DNAI3: variants seen among roughly 807,000 people sequenced by gnomAD.
DNAI3 encodes WD repeat domain 63.
DNAI3 carries 83 observed loss-of-function variants against 115.5 expected under a neutral mutation model. The observed-to-expected ratio is 0.72, with a 90% CI of 0.60 to 0.86. DNAI3 has a LOEUF of 0.86. DNAI3 is among the 40% of genes least tolerant of loss of function. The probability of loss-of-function intolerance (pLI) is 0.00; values close to 1 mark genes in which losing one functional copy is unlikely to be tolerated. For missense variants in DNAI3, 1,004 were observed against 1,075.8 expected, an observed-to-expected ratio of 0.93 and a Z score of 0.93; for synonymous variants, 320 against 347.0, an observed-to-expected ratio of 0.92 and a Z score of 0.86.
intron 7 of DNAI3, among the ~76,000 whole-genome samples, chr1:85,087,434 C>CAAAAAAAAAAAAAA (rs1162431713): frequency 2.1e-5 from 1 of 46,648 alleles, no homozygotes; most frequent in Admixed American, 3.3e-4. Flanking sequence ...GACTCCATCT[C>CAAAAAAAAAAAAAA]AAAAAAAAAA....
At chr1:85,062,916 AT>A (rs1204222923) in intron 1 of DNAI3, among the ~76,000 whole-genome samples, 5 of 152,198 alleles carry the variant, frequency 3.3e-5, no homozygotes, top group African/African-American at 9.6e-5. Context: ...GCTGAAATAG[AT>A]TACTTCAGGA....
intron 9 of DNAI3, 86 bp downstream of exon 9, chr1:85,093,734 A>G: frequency 1.3e-6 from 2 of 1,509,112 alleles, no homozygotes; most frequent in Non-Finnish European, 1.8e-6. Flanking sequence ...AACTAGTTCA[A>G]TGTCAATAAG....
chr1:85,067,201 TGAA>T (rs1021088873), intron 1 of DNAI3, among the ~76,000 whole-genome samples: 41 of 152,334 alleles, frequency 2.7e-4, no homozygotes, highest in African/African-American at 9.4e-4. Flanking sequence ...TGCTTTTTAG[TGAA>T]GAAGAATTAA....
rs907220592 is a variant in DNAI3 at position 85,127,753 on chromosome 1, C to A, written c.2318-955C>A. Among the ~76,000 whole-genome samples, 7 of 152,138 alleles carry A rather than the reference C, an allele frequency of 4.6e-5. No individual in the cohort carries two copies. In the East Asian group the frequency reaches 1.4e-3, roughly 29 times the overall value. ...TTGTACGCCTACAGGGATTATGAAT[C>A]CAGGATTTTGCAATTTGAAGCAGAC... On this transcript the variant is annotated intron_variant, in intron 20 of 22. Coordinates refer to ENST00000294664, the MANE Select transcript of DNAI3 (RefSeq NM_145172.5).
intron 7 of DNAI3, among the ~76,000 whole-genome samples, chr1:85,086,246 T>C (rs958609685): frequency 1.3e-5 from 2 of 152,170 alleles, no homozygotes; most frequent in African/African-American, 2.4e-5. Context: ...GTATGGAAGA[T>C]TGTAAAGACT....
chr1:85,085,753 G>T, intron 6 of DNAI3, 78 bp from the exon 7 acceptor site: 4 of 1,210,482 alleles, frequency 3.3e-6, no homozygotes, highest in Non-Finnish European at 4.7e-6. Context: ...GGCTCTGAGT[G>T]GATCTGAGCA....
At chr1:85,084,741 G>A (rs770648173) in intron 6 of DNAI3, 46 bp downstream of exon 6, 2 of 1,351,140 alleles carry the variant, frequency 1.5e-6, no homozygotes, top group Non-Finnish European at 1.9e-6. Context: ...CCCTGTAGCT[G>A]AACAACACTT....
chr1:85,099,262 A>G (rs900370104), intron 13 of DNAI3: 20 of 985,260 alleles, frequency 2.0e-5, no homozygotes, highest in Non-Finnish European at 2.0e-5. Context: ...AAGATCTACT[A>G]TGTACTTTGA....
chr1:85,089,384 A>G (rs1412005801), intron 7 of DNAI3, among the ~76,000 whole-genome samples: 2 of 150,296 alleles, frequency 1.3e-5, no homozygotes, highest in African/African-American at 4.9e-5. Context: ...GCCAAGATCA[A>G]GGGCTCACCC....
chr1:85,079,457 A>G (rs898743359), intron 3 of DNAI3, among the ~76,000 whole-genome samples: 1 of 152,196 alleles, frequency 6.6e-6, no homozygotes, highest in Non-Finnish European at 1.5e-5. Flanking sequence ...CTATTGGAAA[A>G]TAAGCTCAAA....
chr1:85,086,039 G>A lies in DNAI3; in HGVS notation c.740+9G>A, dbSNP rs75414273. On this transcript the variant is annotated intron_variant, in intron 7 of 22. Transcript: ENST00000294664. ...AGCACTCAGACAAAATGGTAAGTAT[G>A]TGATGGGTGTATGTAATTTTATAGC... 7.6e-4 allele frequency: 1,228 copies of A among 1,612,116 alleles called. 14 individuals are homozygous for A. The East Asian group carries it at 0.024, about 32-fold the overall frequency.
At chr1:85,130,663 TAGATGATAGATAGATAGATAGATAGATA>T (rs1243353879) in intron 22 of DNAI3, among the ~76,000 whole-genome samples, 2 of 144,816 alleles carry the variant, frequency 1.4e-5, no homozygotes, top group African/African-American at 2.6e-5. Flanking sequence ...ATAGATTAGA[TAGATGATAGATAGATAGATAGATAGATA>T]GATAGATAGA....
chr1:85,100,829 T>G (rs1191177060), intron 13 of DNAI3, among the ~76,000 whole-genome samples: 2 of 152,090 alleles, frequency 1.3e-5, no homozygotes, highest in East Asian at 3.9e-4. Context: ...TGTAGGGACA[T>G]GGATGAAACT....
chr1:85,081,099 AAATACAGGAAT>A, intron 3 of DNAI3, 124 bp from the exon 4 acceptor site: 1 of 689,936 alleles, frequency 1.4e-6, no homozygotes, highest in Non-Finnish European at 2.2e-6. Flanking sequence ...TATTTACTTT[AAATACAGGAAT>A]AATAATTTTA....
In DNAI3 at chr1:85,124,155, C is replaced by T. The variant is rs138281012; in HGVS notation, c.2016C>T (p.Asp672=). 2.7e-3 allele frequency: 4,330 copies of T among 1,614,184 alleles called. 53 individuals are homozygous for T. The South Asian group carries it at 0.027, about 10-fold the overall frequency. ...KKPVSHHTIH[D]GTVHTIQRSP... ...CAGTGAGCCACCACACCATTCACGA[C>T]GGAACTGTCCACACTATTCAGAGAT... The change falls in exon 19 of 23, where the codon GAC becomes GAT. Residue 672 remains aspartate, a synonymous_variant. Coordinates refer to ENST00000294664, the MANE Select transcript of DNAI3 (RefSeq NM_145172.5).
At position 85,101,651 on chromosome 1, in the gene DNAI3, C is replaced by T. The variant is rs779720707; in HGVS notation, c.1480-2873C>T. Among the ~76,000 whole-genome samples the T allele has an allele frequency of 6.2e-5, 8 of 129,182 alleles. No homozygotes were observed. In the East Asian group the frequency reaches 1.0e-3, roughly 17 times the overall value. 84.7% of individuals were successfully genotyped at this position (129,182 alleles called of 152,430 possible). On this transcript the variant is annotated intron_variant, in intron 13 of 22. Transcript: ENST00000294664. ...GCTGAGGCGGGAGAATGGTGTGAACCGGAGAGGCGGAGCTTGCAGTGAGCC... is the reference window on the plus strand; with the variant it reads ...GCTGAGGCGGGAGAATGGTGTGAACTGGAGAGGCGGAGCTTGCAGTGAGCC...
intron 1 of DNAI3, among the ~76,000 whole-genome samples, chr1:85,064,338 A>G (rs76839162): frequency 0.13 from 19,053 of 152,204 alleles, 1,398 homozygotes; most frequent in East Asian, 0.25. Flanking sequence ...TGAATATCCA[A>G]TCTTGGAAAG....
chr1:85,118,519 G>T (rs1272168792), intron 17 of DNAI3, among the ~76,000 whole-genome samples: 1 of 152,088 alleles, frequency 6.6e-6, no homozygotes, highest in Non-Finnish European at 1.5e-5. Context: ...CTCATTCCCT[G>T]AAATACAGAG....
chr1:85,129,166 C>T (rs934707707), intron 21 of DNAI3, among the ~76,000 whole-genome samples: 3 of 152,148 alleles, frequency 2.0e-5, no homozygotes, highest in Non-Finnish European at 4.4e-5. Flanking sequence ...CATCACCCAC[C>T]CCCTCCGGCT....
Sources: gnomAD v4.1 joint callset for allele counts (sites outside exome capture counted in the v4.1 genomes callset) on GRCh38, gnomAD v4.1.1 for gene constraint, MANE v1.5 for transcripts, NCBI Gene and HGNC (gene_info 2026-07-23, HGNC 2026-07-21) for gene names.